TMEM117: variants seen among roughly 807,000 people sequenced by gnomAD.
TMEM117 encodes the protein transmembrane protein 117.
TMEM117 carries 27 observed loss-of-function variants against 52.4 expected under a neutral mutation model. The observed-to-expected ratio is 0.51, with a 90% CI of 0.38 to 0.71. The LOEUF (loss-of-function observed/expected upper bound fraction) is 0.71, where lower values mean the gene tolerates loss of function less well. Ranked by LOEUF, TMEM117 falls within the 30% of genes least tolerant of loss-of-function variation. TMEM117 has a pLI of 0.00. For missense variants in TMEM117, 556 were observed against 630.5 expected, an observed-to-expected ratio of 0.88 and a Z score of 1.26; for synonymous variants, 215 against 206.3, an observed-to-expected ratio of 1.04 and a Z score of -0.36.
chr12:44,132,330 A>G (rs554762012), intron 3 of TMEM117, among the ~76,000 whole-genome samples: 22 of 152,014 alleles, frequency 1.4e-4, no homozygotes, highest in Middle Eastern at 3.4e-3. Context: ...ACCTCATTCC[A>G]GGCTTGAACT....
At chr12:44,074,934 G>A (rs764436379) in intron 3 of TMEM117, among the ~76,000 whole-genome samples, 1 of 152,132 alleles carries the variant, frequency 6.6e-6, no homozygotes, top group Non-Finnish European at 1.5e-5. Context: ...ATACACTAAT[G>A]CATTAGTGTA....
chr12:43,976,170 T>C (rs1049933905), intron 3 of TMEM117, among the ~76,000 whole-genome samples: 2 of 152,194 alleles, frequency 1.3e-5, no homozygotes, highest in African/African-American at 4.8e-5. Context: ...GACTGGAGGC[T>C]AAATGGGAAT....
At chr12:44,288,704 A>G (rs917325767) in intron 5 of TMEM117, among the ~76,000 whole-genome samples, 1 of 152,196 alleles carries the variant, frequency 6.6e-6, no homozygotes, top group Non-Finnish European at 1.5e-5. Context: ...AGCATGAATA[A>G]GAATTACTCC....
At chr12:43,827,616 T>G in the TMEM117 span, among the ~76,000 whole-genome samples, 1 of 152,218 alleles carries the variant, frequency 6.6e-6, no homozygotes, top group African/African-American at 2.4e-5. Context: ...TTTTTAGACT[T>G]CTTTCATGTA....
intron 3 of TMEM117, among the ~76,000 whole-genome samples, chr12:43,995,058 C>T (rs576739817): frequency 6.6e-6 from 1 of 151,966 alleles, no homozygotes. Context: ...GGGTGGATCA[C>T]GAGGTCAGGA....
intron 5 of TMEM117, among the ~76,000 whole-genome samples, chr12:44,243,988 G>C (rs74905644): frequency 5.9e-5 from 9 of 152,024 alleles, no homozygotes; most frequent in African/African-American, 1.4e-4. Context: ...ATAGTATTCT[G>C]CTGTATGTAT....
At chr12:43,845,486 G>T (rs995053998) in intron 2 of TMEM117, among the ~76,000 whole-genome samples, 2 of 141,206 alleles carry the variant, frequency 1.4e-5, no homozygotes, top group Non-Finnish European at 3.0e-5. Context: ...AAAAAAAAGA[G>T]CATTAGAGAT....
intron 2 of TMEM117, among the ~76,000 whole-genome samples, chr12:43,888,162 C>G (rs1244496897): frequency 6.6e-6 from 1 of 152,166 alleles, no homozygotes; most frequent in Non-Finnish European, 1.5e-5. Flanking sequence ...CGAACATCAC[C>G]AGTTTCATAT....
chr12:44,216,005 C>CTTT (rs778425747), intron 5 of TMEM117, among the ~76,000 whole-genome samples: 1,344 of 110,784 alleles, frequency 0.012, 63 homozygotes, highest in African/African-American at 0.041. Flanking sequence ...TTCTTTCTTT[C>CTTT]TTTTTTTTTT....
chr12:43,944,123 A>G, intron 2 of TMEM117, 87 bp from the exon 3 acceptor site: 1 of 1,163,078 alleles, frequency 8.6e-7, no homozygotes, highest in Non-Finnish European at 1.2e-6. Flanking sequence ...ATATAGTGAG[A>G]CATTAAAAGA....
intron 6 of TMEM117, among the ~76,000 whole-genome samples, chr12:44,340,789 A>G (rs1951406620): frequency 6.6e-6 from 1 of 152,096 alleles, no homozygotes; most frequent in Non-Finnish European, 1.5e-5. Flanking sequence ...AACATTTTTT[A>G]CATTGTACAC....
At chr12:43,954,411 A>T (rs1462001383) in intron 3 of TMEM117, among the ~76,000 whole-genome samples, 1 of 152,184 alleles carries the variant, frequency 6.6e-6, no homozygotes, top group Non-Finnish European at 1.5e-5. Context: ...TAGTGAGACT[A>T]ATAAAGAAGA....
At chr12:44,096,780 A>G (rs1270406460) in intron 3 of TMEM117, among the ~76,000 whole-genome samples, 2 of 152,130 alleles carry the variant, frequency 1.3e-5, no homozygotes, top group African/African-American at 2.4e-5. Context: ...AAGCTAGGCA[A>G]TACCATTCAG....
intron 4 of TMEM117, among the ~76,000 whole-genome samples, chr12:44,196,920 T>G (rs927115461): frequency 1.3e-5 from 2 of 152,226 alleles, no homozygotes; most frequent in African/African-American, 4.8e-5. Context: ...TTCTTGGACT[T>G]GCCATTTCCT....
At chr12:43,899,592 A>C (rs116867880) in intron 2 of TMEM117, among the ~76,000 whole-genome samples, 2,651 of 151,968 alleles carry the variant, frequency 0.017, 37 homozygotes, top group Non-Finnish European at 0.025. Flanking sequence ...TTCAATTAAC[A>C]GAAGATCTTT....
intron 4 of TMEM117, among the ~76,000 whole-genome samples, chr12:44,183,927 G>A (rs1344921595): frequency 6.6e-6 from 1 of 152,156 alleles, no homozygotes; most frequent in African/African-American, 2.4e-5. Flanking sequence ...CCCTGCAGTA[G>A]GTAGAATTCT....
chr12:44,327,362 G>A (rs564267393), intron 6 of TMEM117, among the ~76,000 whole-genome samples: 6 of 152,280 alleles, frequency 3.9e-5, no homozygotes, highest in Admixed American at 2.0e-4. Flanking sequence ...TTTGAGTTGT[G>A]TAGAGGAATA....
chr12:44,049,456 A>C (rs1250141844), intron 3 of TMEM117, among the ~76,000 whole-genome samples: 1 of 152,042 alleles, frequency 6.6e-6, no homozygotes, highest in Non-Finnish European at 1.5e-5. Context: ...AGGATGGGTC[A>C]ATAGGTACTG....
intron 2 of TMEM117, among the ~76,000 whole-genome samples, chr12:43,863,388 T>G (rs1442756327): frequency 6.6e-6 from 1 of 152,218 alleles, no homozygotes; most frequent in Non-Finnish European, 1.5e-5. Flanking sequence ...ATTTTAAGAA[T>G]AAGCCATCAT....
Sources: allele counts gnomAD v4.1 joint callset (sites outside exome capture counted in the v4.1 genomes callset), GRCh38; gene constraint gnomAD v4.1.1; transcripts MANE v1.5; gene names NCBI Gene and HGNC (gene_info 2026-07-23, HGNC 2026-07-21).